Variants in PDE4D observed in about 807,000 individuals in gnomAD.
PDE4D encodes the protein phosphodiesterase 4D.
PDE4D carries 24 observed loss-of-function variants against 87.4 expected under a neutral mutation model. That is an observed-to-expected ratio of 0.27 (90% CI 0.20 to 0.39). PDE4D has a LOEUF of 0.39. PDE4D is among the 10% of genes least tolerant of loss of function. PDE4D has a pLI of 1.00. For synonymous variants in PDE4D, 384 were observed against 383.2 expected (o/e 1.00, Z -0.02); for missense variants, 714 against 1,041.0 (o/e 0.69, Z 4.32).
intron 1 of PDE4D, among the ~76,000 whole-genome samples, chr5:60,508,653 C>A (rs1030843483): frequency 6.6e-6 from 1 of 152,136 alleles, no homozygotes; most frequent in Admixed American, 6.5e-5. Context: ...AAATACTGAA[C>A]CATTGCTCCC....
At chr5:59,001,536 AC>A (rs1750531790) in intron 6 of PDE4D, among the ~76,000 whole-genome samples, 1 of 152,226 alleles carries the variant, frequency 6.6e-6, no homozygotes, top group South Asian at 2.1e-4. Flanking sequence ...CACTAAAGCT[AC>A]CCCCAGAGGA....
chr5:59,349,652 T>C (rs1780189320), intron 1 of PDE4D, among the ~76,000 whole-genome samples: 1 of 152,202 alleles, frequency 6.6e-6, no homozygotes, highest in South Asian at 2.1e-4. Context: ...AAAAATGGTA[T>C]AGTTTTAACT....
intron 1 of PDE4D, among the ~76,000 whole-genome samples, chr5:59,266,470 A>G (rs927907149): frequency 6.6e-6 from 1 of 151,890 alleles, no homozygotes; most frequent in Non-Finnish European, 1.5e-5. Flanking sequence ...CAAAGGTTTT[A>G]TGGTGCTACT....
At chr5:60,111,478 T>C (rs1008698694) in intron 2 of PDE4D, among the ~76,000 whole-genome samples, 2 of 152,038 alleles carry the variant, frequency 1.3e-5, no homozygotes, top group African/African-American at 2.4e-5. Flanking sequence ...AATTCTTTAT[T>C]TGGAAATATT....
chr5:59,094,216 CAAAAAAA>C (rs1164383460), intron 5 of PDE4D, among the ~76,000 whole-genome samples: 7 of 14,556 alleles, frequency 4.8e-4, no homozygotes, highest in Non-Finnish European at 6.9e-4. Context: ...GACTCCGTCT[CAAAAAAA>C]AAAAAAAAAA....
rs1789536098 is a variant in PDE4D, at chr5:59,396,933, C to T, written c.456-180965G>A. On this transcript the variant is annotated intron_variant, in intron 1 of 14. Coordinates refer to ENST00000340635, the MANE Select transcript of PDE4D (RefSeq NM_001104631.2). ...ACAAAAAAAGGCAGGGGTTGCAATCCTGGTCTCTGATAAAACAGACTTTAA... is the reference window on the plus strand; with the variant it reads ...ACAAAAAAAGGCAGGGGTTGCAATCTTGGTCTCTGATAAAACAGACTTTAA... Among the ~76,000 whole-genome samples the T allele has an allele frequency of 1.7e-5, 2 of 115,408 alleles. 1 individual carries two copies. Among genetic ancestry groups the T allele is most frequent in the South Asian group, 6.0e-4 (2 of 3,348 alleles). 75.7% of individuals were successfully genotyped at this position (115,408 alleles called of 152,430 possible).
chr5:60,394,493 A>G (rs1013794632), intron 1 of PDE4D, among the ~76,000 whole-genome samples: 8 of 152,180 alleles, frequency 5.3e-5, no homozygotes, highest in Non-Finnish European at 1.2e-4. Context: ...AAATGTATAC[A>G]TTTCAATTGC....
At chr5:59,042,815 T>G (rs1054291883) in intron 5 of PDE4D, among the ~76,000 whole-genome samples, 2 of 152,120 alleles carry the variant, frequency 1.3e-5, no homozygotes, top group African/African-American at 4.8e-5. Flanking sequence ...TTGGCTTCTG[T>G]CACAGTGATA....
intron 1 of PDE4D, among the ~76,000 whole-genome samples, chr5:59,692,246 G>A (rs184685701): frequency 6.6e-6 from 1 of 152,254 alleles, no homozygotes; most frequent in East Asian, 1.9e-4. Flanking sequence ...TAAAGAGAGA[G>A]CTCTTGGTCT....
intron 11 of PDE4D, among the ~76,000 whole-genome samples, chr5:58,981,981 T>C (rs757703504): frequency 3.9e-5 from 6 of 152,186 alleles, no homozygotes; most frequent in Admixed American, 3.3e-4. Flanking sequence ...TCTTGGATGA[T>C]TGAATCAGAT....
intron 5 of PDE4D, among the ~76,000 whole-genome samples, chr5:59,156,788 G>A (rs1205717317): frequency 4.6e-5 from 7 of 151,928 alleles, no homozygotes; most frequent in Admixed American, 4.6e-4. Context: ...AAATTTTCAG[G>A]ACTCATTTAC....
chr5:59,200,597 ACGTG>A (rs1430986844), intron 2 of PDE4D, among the ~76,000 whole-genome samples: 1 of 131,330 alleles, frequency 7.6e-6, no homozygotes, highest in East Asian at 3.3e-4. Context: ...GTATACATAC[ACGTG>A]TATGTACAGA....
At chr5:60,224,917 T>C (rs940610158) in intron 1 of PDE4D, among the ~76,000 whole-genome samples, 11 of 151,636 alleles carry the variant, frequency 7.3e-5, no homozygotes, top group African/African-American at 2.7e-4. Flanking sequence ...TGAAGTTAAC[T>C]TAGGCTTTCT....
chr5:59,449,423 G>A (rs928527231), intron 1 of PDE4D, among the ~76,000 whole-genome samples: 25 of 152,072 alleles, frequency 1.6e-4, no homozygotes, highest in African/African-American at 2.7e-4. Flanking sequence ...TTCTAACGTC[G>A]TTATAAAACT....
At chr5:59,199,438 C>T (rs1746231766) in intron 2 of PDE4D, among the ~76,000 whole-genome samples, 1 of 151,994 alleles carries the variant, frequency 6.6e-6, no homozygotes, top group Admixed American at 6.6e-5. Context: ...GCTTCACTCA[C>T]TCTTACTAGA....
intron 1 of PDE4D, among the ~76,000 whole-genome samples, chr5:60,343,555 T>C (rs527526391): frequency 3.9e-5 from 6 of 152,330 alleles, no homozygotes; most frequent in African/African-American, 1.4e-4. Context: ...TAGGAATTGT[T>C]GCCTGTCACA....
intron 1 of PDE4D, among the ~76,000 whole-genome samples, chr5:59,810,012 C>T (rs1003271825): frequency 3.9e-5 from 6 of 152,196 alleles, no homozygotes; most frequent in Non-Finnish European, 5.9e-5. Context: ...TCTCATAAGT[C>T]ACGTGAATCC....
chr5:59,263,539 A>G (rs1762373580), intron 1 of PDE4D, among the ~76,000 whole-genome samples: 1 of 151,946 alleles, frequency 6.6e-6, no homozygotes, highest in South Asian at 2.1e-4. Flanking sequence ...AAATGCTCAA[A>G]TAGTCATATA....
rs1303963691 is a variant in PDE4D, at chr5:59,771,454, A to AG, written c.455+121713_455+121714insC. ...AAGAAAAAGAAAGAAAGAAAGAAAG[A>AG]AAGAAAGAAAGAAAGAAAGAAAGAA... On this transcript the variant is annotated intron_variant, in intron 1 of 14. Coordinates refer to ENST00000340635, the MANE Select transcript of PDE4D (RefSeq NM_001104631.2). Among the ~76,000 whole-genome samples, 331 of 77,560 alleles carry AG rather than the reference A, an allele frequency of 4.3e-3. 4 individuals are homozygous for AG. Among genetic ancestry groups the AG allele is most frequent in the African/African-American group, 0.02 (321 of 16,112 alleles). The allele number at this position is 77,560 out of a possible 152,430, so 50.9% of individuals were successfully genotyped here. A position where few individuals can be genotyped will look rare whatever the true frequency, so the allele number is the denominator to read the frequency against.
Sources: allele counts gnomAD v4.1 joint callset (sites outside exome capture counted in the v4.1 genomes callset), GRCh38; gene constraint gnomAD v4.1.1; transcripts MANE v1.5; gene names NCBI Gene and HGNC (gene_info 2026-07-23, HGNC 2026-07-21).